Variants in TENM1 observed in about 807,000 individuals in gnomAD.
TENM1 encodes the protein teneurin-1.
TENM1 carries 35 observed loss-of-function variants against 174.8 expected under a neutral mutation model. The ratio of observed to expected loss-of-function variants is 0.20; its 90% CI spans 0.15 to 0.27. The LOEUF is 0.27. Among genes scored for constraint, TENM1 ranks in the 10% least tolerant of loss-of-function variants. The pLI, the probability that TENM1 is intolerant of heterozygous loss-of-function variation, is 1.00. For missense variants in TENM1, 1,633 were observed against 2,130.1 expected, an observed-to-expected ratio of 0.77 and a Z score of 4.59; for synonymous variants, 781 against 798.7, an observed-to-expected ratio of 0.98 and a Z score of 0.37.
chrX:124,922,711 T>C (rs755859569), intron 1 of TENM1, among the ~76,000 whole-genome samples: 1 of 111,628 alleles, frequency 9.0e-6, no homozygotes, highest in Admixed American at 9.5e-5. Flanking sequence ...TTTAGCCACA[T>C]TCCTAGATTA....
the TENM1 span, among the ~76,000 whole-genome samples, chrX:125,165,476 T>G: frequency 1.8e-5 from 2 of 111,969 alleles, no homozygotes; most frequent in Non-Finnish European, 3.8e-5. Context: ...TTCAGACACC[T>G]GCATCTTAAA....
intron 6 of TENM1, among the ~76,000 whole-genome samples, chrX:124,654,356 G>A (rs1298715983): frequency 2.7e-5 from 3 of 112,234 alleles, no homozygotes; most frequent in Admixed American, 9.5e-5. Context: ...AGCTCTGTGC[G>A]GACAAGCACT....
chrX:124,632,160 C>T (rs1413237276), intron 11 of TENM1, among the ~76,000 whole-genome samples: 2 of 109,453 alleles, frequency 1.8e-5, no homozygotes, highest in Non-Finnish European at 3.8e-5. Flanking sequence ...ATCTGCCCGC[C>T]TTGGCCTCCC....
chrX:124,806,648 C>T (rs767115148), intron 3 of TENM1, among the ~76,000 whole-genome samples: 1 of 112,245 alleles, frequency 8.9e-6, no homozygotes, highest in Non-Finnish European at 1.9e-5. Flanking sequence ...GTGTGTTAGT[C>T]CACTTTTGCA....
At chrX:124,890,447 A>G (rs1413925086) in intron 3 of TENM1, among the ~76,000 whole-genome samples, 1 of 112,280 alleles carries the variant, frequency 8.9e-6, no homozygotes, top group Non-Finnish European at 1.9e-5. Context: ...AGGGATTAAT[A>G]CCAGAATGTA....
At chrX:125,077,277 TATTAG>T in the TENM1 span, among the ~76,000 whole-genome samples, 4 of 111,464 alleles carry the variant, frequency 3.6e-5, no homozygotes, top group Non-Finnish European at 7.5e-5. Context: ...TTCAAAATGT[TATTAG>T]ATAACATATA....
intron 19 of TENM1, among the ~76,000 whole-genome samples, chrX:124,500,466 A>G (rs1003580957): frequency 3.6e-5 from 4 of 111,830 alleles, no homozygotes; most frequent in Non-Finnish European, 5.7e-5. Context: ...TTGATCAATT[A>G]CTGCTGCCTC....
At chrX:124,438,679 T>A (rs2060871354) in intron 23 of TENM1, among the ~76,000 whole-genome samples, 1 of 111,878 alleles carries the variant, frequency 8.9e-6, no homozygotes, top group African/African-American at 3.2e-5. Flanking sequence ...CTGACAACTT[T>A]GGCTATTTGC....
At chrX:124,732,444 G>T (rs1053949179) in intron 4 of TENM1, among the ~76,000 whole-genome samples, 1 of 111,818 alleles carries the variant, frequency 8.9e-6, no homozygotes, top group Admixed American at 9.5e-5. Flanking sequence ...ATCTGCTCAC[G>T]GTCCTTCCTC....
At position 124,846,504 on chromosome X, in the gene TENM1, G is replaced by A. The variant is rs983431525; in HGVS notation, c.535+47792C>T. ...GTAATTTCCTTTTTTATTTTGTTTTGTTTTAAGTTGACTACAATTTTCAAT... is the reference window on the plus strand; with the variant it reads ...GTAATTTCCTTTTTTATTTTGTTTTATTTTAAGTTGACTACAATTTTCAAT... On this transcript the variant is annotated intron_variant, in intron 3 of 31. Transcript: ENST00000422452. Among the ~76,000 whole-genome samples, 3 of 110,833 alleles carry A rather than the reference G, an allele frequency of 2.7e-5. No individual in the cohort carries two copies. The Admixed American group carries it at 2.9e-4, about 11-fold the overall frequency.
At chrX:124,491,036 C>A (rs1323969416) in intron 20 of TENM1, among the ~76,000 whole-genome samples, 1 of 112,055 alleles carries the variant, frequency 8.9e-6, no homozygotes. Context: ...GCTCAGGAAC[C>A]TATGACAGCT....
rs2054962427 is a variant in TENM1 at position 124,783,438 on chromosome X, C to T, written c.536-46241G>A. On this transcript the variant is annotated intron_variant, in intron 3 of 31. Coordinates refer to ENST00000422452, the Ensembl canonical transcript of TENM1. ...ACAATCTAGCATATATTGTGTTATA[C>T]ACATACTCGTTATTTTTATGATAAG... is the stretch of plus-strand genomic sequence containing the variant. Among the ~76,000 whole-genome samples the T allele has an allele frequency of 3.6e-5, 4 of 111,562 alleles. No homozygotes were observed. The South Asian group carries it at 1.5e-3, about 41-fold the overall frequency.
rs747443025 is a variant in TENM1, at chrX:124,563,796, A to T, written c.2264-24T>A. 8 of 1,178,980 alleles carry T rather than the reference A, an allele frequency of 6.8e-6. No individual in the cohort carries two copies. In the African/African-American group the frequency reaches 1.4e-4, roughly 21 times the overall value. Reference sequence around the variant, plus strand: ...AGCTAAAAGGGAGGGGAAAAGAGTGATCAAATGAATTTCTGAGAGACTAAA... The same window carrying T: ...AGCTAAAAGGGAGGGGAAAAGAGTGTTCAAATGAATTTCTGAGAGACTAAA... On this transcript the variant is annotated intron_variant, in intron 12 of 31. Coordinates refer to ENST00000422452, the Ensembl canonical transcript of TENM1.
the TENM1 span, among the ~76,000 whole-genome samples, chrX:125,059,999 A>G: frequency 9.4e-6 from 1 of 106,938 alleles, no homozygotes; most frequent in Non-Finnish European, 1.9e-5. Context: ...GGAAGCCTCA[A>G]AAAAAAAAAA....
chrX:124,835,775 CA>C (rs1402781670), intron 3 of TENM1, among the ~76,000 whole-genome samples: 1 of 111,751 alleles, frequency 8.9e-6, no homozygotes, highest in African/African-American at 3.3e-5. Context: ...AAAGAAATTA[CA>C]GCAAAAACAG....
At chrX:124,641,836 C>T in exon 11 of TENM1, 1 of 1,211,836 alleles carries the variant, frequency 8.3e-7, no homozygotes, top group Non-Finnish European at 1.1e-6. Flanking sequence ...CAGCTGCATA[C>T]TCCAGCGTCC....
the TENM1 span, among the ~76,000 whole-genome samples, chrX:125,056,072 C>G: frequency 0.011 from 1,208 of 110,298 alleles, 12 homozygotes; most frequent in African/African-American, 0.037. Context: ...GTTGCATCTA[C>G]TATTTGTATA....
In TENM1 at chrX:124,650,220, AAAAAAAAAG is replaced by A. The variant is rs1322661645; in HGVS notation, c.1579+1685_1579+1693del. On this transcript the variant is annotated intron_variant, in intron 8 of 31. Coordinates refer to ENST00000422452, the Ensembl canonical transcript of TENM1. The stretch of plus-strand genomic sequence containing the variant: ...GTCTCCAAAAAAAAAAAAAAAAAAA[AAAAAAAAAG>A]AAAGAGGAGAATTTAGGGTGAATGA... Among the ~76,000 whole-genome samples, 128 of 108,045 alleles carry A rather than the reference AAAAAAAAAG, an allele frequency of 1.2e-3. 1 individual carries two copies. The highest frequency in any genetic ancestry group is 4.1e-3 in the African/African-American group (121 of 29,767). The allele number at this position is 108,045 out of a possible 115,157, so 93.8% of individuals were successfully genotyped here.
At chrX:124,676,257 A>AATATATATAT (rs56962688) in intron 5 of TENM1, among the ~76,000 whole-genome samples, 1 of 22,952 alleles carries the variant, frequency 4.4e-5, no homozygotes, top group Non-Finnish European at 1.1e-4. Context: ...ACATATATAA[A>AATATATATAT]ATATATATAT....
Sources: gnomAD v4.1 joint callset for allele counts (sites outside exome capture counted in the v4.1 genomes callset) on GRCh38, gnomAD v4.1.1 for gene constraint, MANE v1.5 for transcripts, NCBI Gene and HGNC (gene_info 2026-07-23, HGNC 2026-07-21) for gene names.